NALF1: variants seen among roughly 807,000 people sequenced by gnomAD.
The protein encoded by NALF1 is family with sequence similarity 155 member A.
A neutral mutation model predicts 48.4 loss-of-function variants in NALF1; 3 were observed. That is an observed-to-expected ratio of 0.06 (90% confidence interval 0.03 to 0.16). NALF1 has a LOEUF of 0.16. Ranked by LOEUF, NALF1 falls within the 10% of genes least tolerant of loss-of-function variation. The probability of loss-of-function intolerance (pLI) is 1.00; values close to 1 mark genes in which losing one functional copy is unlikely to be tolerated. For missense variants in NALF1, 526 were observed against 571.5 expected (o/e 0.92, Z 0.81); for synonymous variants, 262 against 245.7 (o/e 1.07, Z -0.62).
intron 1 of NALF1, among the ~76,000 whole-genome samples, chr13:107,521,416 CTACT>C (rs1876233425): frequency 6.6e-6 from 1 of 152,170 alleles, no homozygotes; most frequent in Admixed American, 6.5e-5. Context: ...CCCCCGATCT[CTACT>C]TAAACTTAGT....
chr13:107,303,156 T>C (rs1044302429), intron 1 of NALF1, among the ~76,000 whole-genome samples: 6 of 152,194 alleles, frequency 3.9e-5, no homozygotes, highest in Non-Finnish European at 8.8e-5. Context: ...TTTAAGCTTT[T>C]TTTCATGTGT....
intron 1 of NALF1, among the ~76,000 whole-genome samples, chr13:107,527,675 T>G (rs948641915): frequency 6.6e-6 from 1 of 152,028 alleles, no homozygotes; most frequent in Non-Finnish European, 1.5e-5. Flanking sequence ...AATTGAATCA[T>G]GGGGGTGGTT....
Position 107,344,604 on chromosome 13 carries a change from A to T in NALF1, c.916-133849T>A, listed in dbSNP as rs376687330. 5.3e-5 allele frequency among the ~76,000 whole-genome samples: 8 copies of T among 152,218 alleles called. No homozygotes were observed. The East Asian group carries it at 1.5e-3, about 29-fold the overall frequency. On this transcript the variant is annotated intron_variant, in intron 1 of 2. Coordinates refer to ENST00000375915, the MANE Select transcript of NALF1 (RefSeq NM_001080396.3). ...TCACATGCTCCTCTCTATGATGCAG[A>T]AAAAGCATTTGACAAAATCCAACAT...
At chr13:107,859,397 T>G (rs1880511016) in intron 1 of NALF1, among the ~76,000 whole-genome samples, 1 of 152,236 alleles carries the variant, frequency 6.6e-6, no homozygotes, top group African/African-American at 2.4e-5. Context: ...ATAGCTTCTA[T>G]AAATTTTGTT....
rs145380146 is a variant in NALF1 at position 107,656,181 on chromosome 13, G to C, written c.915+209501C>G. On this transcript the variant is annotated intron_variant, in intron 1 of 2. Coordinates refer to ENST00000375915, the MANE Select transcript of NALF1 (RefSeq NM_001080396.3). ...AGATGGGACTTAACAAAACTAAAAAGCTTCTACACAGAAAAAGAAATAATC... is the reference window on the plus strand; with the variant it reads ...AGATGGGACTTAACAAAACTAAAAACCTTCTACACAGAAAAAGAAATAATC... Among the ~76,000 whole-genome samples the C allele has an allele frequency of 8.7e-4, 131 of 150,158 alleles. 1 individual carries two copies. The highest frequency in any genetic ancestry group is 3.0e-3 in the African/African-American group (125 of 41,012).
chr13:107,767,616 C>T (rs75757988), intron 1 of NALF1, among the ~76,000 whole-genome samples: 47 of 152,242 alleles, frequency 3.1e-4, no homozygotes, highest in African/African-American at 1.1e-3. Context: ...GTATCATGTG[C>T]TTTCATGGGA....
At chr13:107,531,579 A>T (rs186673483) in intron 1 of NALF1, among the ~76,000 whole-genome samples, 168 of 152,278 alleles carry the variant, frequency 1.1e-3, no homozygotes, top group Non-Finnish European at 1.8e-3. Flanking sequence ...AATCAGTGAC[A>T]CTAATCATCA....
intron 1 of NALF1, among the ~76,000 whole-genome samples, chr13:107,594,304 C>A (rs965061847): frequency 6.6e-6 from 1 of 152,044 alleles, no homozygotes; most frequent in African/African-American, 2.4e-5. Context: ...AAATTAGGCA[C>A]TCAACAAAGA....
intron 1 of NALF1, among the ~76,000 whole-genome samples, chr13:107,612,936 T>C (rs905454917): frequency 2.0e-5 from 3 of 152,050 alleles, no homozygotes; most frequent in African/African-American, 7.2e-5. Context: ...CTCCATTTCT[T>C]TGGAGAACCC....
intron 1 of NALF1, among the ~76,000 whole-genome samples, chr13:107,286,785 AAG>A (rs1881503234): frequency 6.6e-6 from 1 of 152,188 alleles, no homozygotes; most frequent in African/African-American, 2.4e-5. Flanking sequence ...TTCTAAGTAA[AAG>A]AAGACAGATA....
chr13:107,256,338 G>A (rs1172462985), intron 1 of NALF1, among the ~76,000 whole-genome samples: 1 of 152,188 alleles, frequency 6.6e-6, no homozygotes, highest in African/African-American at 2.4e-5. Flanking sequence ...CACATAAGGA[G>A]CTTGAAGTCA....
chr13:107,728,723 A>G (rs1020101897), intron 1 of NALF1, among the ~76,000 whole-genome samples: 1 of 104,708 alleles, frequency 9.6e-6, no homozygotes, highest in African/African-American at 3.2e-5. Flanking sequence ...AATAAATAAA[A>G]AAGAAAAAGA....
chr13:107,358,215 T>C (rs1300665921), intron 1 of NALF1, among the ~76,000 whole-genome samples: 1 of 151,958 alleles, frequency 6.6e-6, no homozygotes, highest in African/African-American at 2.4e-5. Context: ...CAAACTGCTG[T>C]TACAAGTGCA....
chr13:107,326,187 A>C (rs1299041771), intron 1 of NALF1, among the ~76,000 whole-genome samples: 1 of 151,972 alleles, frequency 6.6e-6, no homozygotes, highest in Non-Finnish European at 1.5e-5. Flanking sequence ...TCCCACCTAA[A>C]TAATATAAAA....
At chr13:107,647,200 G>A (rs968974728) in intron 1 of NALF1, among the ~76,000 whole-genome samples, 8 of 151,864 alleles carry the variant, frequency 5.3e-5, no homozygotes, top group African/African-American at 1.9e-4. Flanking sequence ...AAAACAAAAC[G>A]AAAATGGAAT....
chr13:107,432,173 G>A (rs142271237), intron 1 of NALF1, among the ~76,000 whole-genome samples: 27 of 152,168 alleles, frequency 1.8e-4, no homozygotes, highest in East Asian at 1.6e-3. Context: ...GGCAGGAGCC[G>A]GAGCAACAGC....
In NALF1 at chr13:107,485,499, A is replaced by G. The variant is rs542240370; in HGVS notation, c.916-274744T>C. 1.1e-4 allele frequency among the ~76,000 whole-genome samples: 17 copies of G among 152,236 alleles called. No individual in the cohort carries two copies. In the South Asian group the frequency reaches 3.3e-3, roughly 30 times the overall value. On this transcript the variant is annotated intron_variant, in intron 1 of 2. Coordinates refer to ENST00000375915, the MANE Select transcript of NALF1 (RefSeq NM_001080396.3). The stretch of plus-strand genomic sequence containing the variant: ...TTAAACAAGGACTCTACCTTCCACC[A>G]CATCAATTATATCCATTCCCCACAT...
chr13:107,701,399 G>A (rs1041233079), intron 1 of NALF1, among the ~76,000 whole-genome samples: 5 of 152,092 alleles, frequency 3.3e-5, no homozygotes, highest in Non-Finnish European at 7.4e-5. Flanking sequence ...AGTGAAATAA[G>A]CCAGATATCC....
intron 1 of NALF1, among the ~76,000 whole-genome samples, chr13:107,782,806 C>T (rs1438819916): frequency 1.3e-5 from 2 of 150,706 alleles, no homozygotes; most frequent in Non-Finnish European, 3.0e-5. Flanking sequence ...GGGAGGAGCC[C>T]CTCCGCTTGG....
Sources: gnomAD v4.1 joint callset for allele counts (sites outside exome capture counted in the v4.1 genomes callset) on GRCh38, gnomAD v4.1.1 for gene constraint, MANE v1.5 for transcripts, NCBI Gene and HGNC (gene_info 2026-07-23, HGNC 2026-07-21) for gene names.